The following HS1BP3 variants were observed in gnomAD, a reference collection of about 807,000 sequenced individuals.
The protein encoded by HS1BP3 is HCLS1 binding protein 3.
Under a neutral mutation model 33.5 loss-of-function variants are expected in HS1BP3, and 32 were observed. The observed-to-expected ratio is 0.95, with a 90% CI of 0.72 to 1.28. The LOEUF (loss-of-function observed/expected upper bound fraction) is 1.28. Among genes scored for constraint, HS1BP3 ranks in the 50% most tolerant of loss-of-function variants. HS1BP3 has a pLI of 0.00. For missense variants in HS1BP3, 486 were observed against 502.3 expected (o/e 0.97, Z 0.31); for synonymous variants, 187 against 209.2 (o/e 0.89, Z 0.92).
At chr2:20,591,564 C>T (rs1002871742), downstream of HS1BP3, among the ~76,000 whole-genome samples, 1 of 152,146 alleles carries the variant, frequency 6.6e-6, no homozygotes. Flanking sequence ...GAGTTCTGGT[C>T]GACCATTGTG....
chr2:20,583,773 C>T (rs1349536268), intron 5 of HS1BP3, among the ~76,000 whole-genome samples: 4 of 152,176 alleles, frequency 2.6e-5, no homozygotes, highest in African/African-American at 9.7e-5. Flanking sequence ...AGCCTCTCAT[C>T]ATGACACCTG....
intron 3 of HS1BP3, among the ~76,000 whole-genome samples, chr2:20,639,432 A>G (rs1572358521): frequency 6.6e-6 from 1 of 152,392 alleles, no homozygotes; most frequent in East Asian, 1.9e-4. Context: ...TGCCACAGAT[A>G]GTTTGAGAAG....
chr2:20,570,182 GT>G (rs11302203), intron 5 of HS1BP3, among the ~76,000 whole-genome samples: 138,515 of 152,090 alleles, frequency 0.91, 63,325 homozygotes, highest in East Asian at 1. Flanking sequence ...TGAAAAGAGA[GT>G]TTTTTTTCCC....
At chr2:20,597,169 T>A (rs1693961781) in intron 3 of HS1BP3, among the ~76,000 whole-genome samples, 5 of 152,156 alleles carry the variant, frequency 3.3e-5, no homozygotes, top group Admixed American at 3.3e-4. Context: ...TTGGCCACAG[T>A]CCTGGCCATC....
At chr2:20,569,487 A>G (rs958224859) in intron 5 of HS1BP3, among the ~76,000 whole-genome samples, 1 of 145,162 alleles carries the variant, frequency 6.9e-6, no homozygotes, top group Non-Finnish European at 1.5e-5. Context: ...TGAGTTTTAG[A>G]TGAACAACAA....
chr2:20,647,167 C>T (rs1487159886), intron 1 of HS1BP3, among the ~76,000 whole-genome samples: 10 of 152,170 alleles, frequency 6.6e-5, no homozygotes, highest in Non-Finnish European at 1.3e-4. Context: ...CTCCCACGAT[C>T]CAGCTCCCTC....
intron 3 of HS1BP3, among the ~76,000 whole-genome samples, chr2:20,597,703 G>T (rs949870449): frequency 7.9e-5 from 12 of 152,134 alleles, no homozygotes; most frequent in South Asian, 2.1e-4. Context: ...AACAACCCTG[G>T]AAAGTGCTGA....
At chr2:20,559,794 C>T (rs1025937039), downstream of HS1BP3, among the ~76,000 whole-genome samples, 2 of 152,102 alleles carry the variant, frequency 1.3e-5, no homozygotes, top group African/African-American at 4.8e-5. Context: ...CCCTCTGCAT[C>T]CAGGCACTGC....
intron 2 of HS1BP3, among the ~76,000 whole-genome samples, chr2:20,644,691 C>G (rs1209296944): frequency 6.6e-6 from 1 of 152,236 alleles, no homozygotes; most frequent in East Asian, 1.9e-4. Context: ...GGCCATGTAT[C>G]TGGGCTCCCT....
chr2:20,559,732 A>C (rs867315133), downstream of HS1BP3, among the ~76,000 whole-genome samples: 16 of 151,442 alleles, frequency 1.1e-4, no homozygotes, highest in Admixed American at 5.9e-4. Flanking sequence ...GGATGGATGG[A>C]TGGATGGATG....
At chr2:20,571,074 C>T (rs1022671141) in intron 5 of HS1BP3, among the ~76,000 whole-genome samples, 10 of 152,250 alleles carry the variant, frequency 6.6e-5, no homozygotes, top group Admixed American at 6.5e-4. Context: ...GGGACAGGGT[C>T]CCCATCTTCT....
At chr2:20,595,799 T>C (rs1389276658) in intron 3 of HS1BP3, among the ~76,000 whole-genome samples, 1 of 152,142 alleles carries the variant, frequency 6.6e-6, no homozygotes, top group African/African-American at 2.4e-5. Flanking sequence ...GAGGTGATGG[T>C]CACGTCCATC....
At chr2:20,598,752 G>T (rs1241387940) in intron 2 of HS1BP3, among the ~76,000 whole-genome samples, 1 of 151,662 alleles carries the variant, frequency 6.6e-6, no homozygotes. Context: ...TAGAGACGGG[G>T]TTTCACTGTT....
At chr2:20,587,682 C>T (rs1693713859), downstream of HS1BP3, among the ~76,000 whole-genome samples, 1 of 152,036 alleles carries the variant, frequency 6.6e-6, no homozygotes, top group Admixed American at 6.6e-5. Flanking sequence ...GGAGGCAGAG[C>T]TTGCAGTGAG....
intron 5 of HS1BP3, among the ~76,000 whole-genome samples, chr2:20,569,333 C>G (rs750660198): frequency 6.6e-6 from 1 of 152,172 alleles, no homozygotes; most frequent in Non-Finnish European, 1.5e-5. Flanking sequence ...TTTTTCTGTG[C>G]AAGCTGCTGG....
chr2:20,566,072 C>G (rs1693119911), intron 5 of HS1BP3, among the ~76,000 whole-genome samples: 1 of 152,230 alleles, frequency 6.6e-6, no homozygotes, highest in Non-Finnish European at 1.5e-5. Flanking sequence ...CCACCCTGCC[C>G]CTCTAGGAAC....
intron 2 of HS1BP3, among the ~76,000 whole-genome samples, chr2:20,598,909 C>T (rs2149282027): frequency 6.6e-6 from 1 of 152,286 alleles, no homozygotes; most frequent in African/African-American, 2.4e-5. Flanking sequence ...TTGTAAACTT[C>T]CCCCTTTCTT....
chr2:20,609,654 C>G (rs918899150), intron 2 of HS1BP3, among the ~76,000 whole-genome samples: 4 of 152,172 alleles, frequency 2.6e-5, no homozygotes, highest in African/African-American at 7.2e-5. Context: ...TTCACCTGTC[C>G]AGGACAACAC....
intron 4 of HS1BP3, among the ~76,000 whole-genome samples, chr2:20,629,802 C>T (rs1160798711): frequency 2.0e-5 from 3 of 152,250 alleles, no homozygotes; most frequent in East Asian, 3.8e-4. Context: ...TGCAGGCGGG[C>T]GTGCAGCATA....
Sources: allele counts gnomAD v4.1 joint callset (sites outside exome capture counted in the v4.1 genomes callset), GRCh38; gene constraint gnomAD v4.1.1; transcripts MANE v1.5; gene names NCBI Gene and HGNC (gene_info 2026-07-23, HGNC 2026-07-21).